The following NUP210L variants were observed in gnomAD, a reference collection of about 807,000 sequenced individuals.
The protein encoded by NUP210L is nuclear pore membrane glycoprotein 210-like.
In NUP210L, 74 loss-of-function variants were observed where a neutral mutation model predicts 208.5. The observed-to-expected ratio is 0.35, with a 90% CI of 0.29 to 0.43. The LOEUF (loss-of-function observed/expected upper bound fraction) is 0.43, where lower values mean the gene tolerates loss of function less well. NUP210L is among the 20% of genes least tolerant of loss of function. The probability of loss-of-function intolerance (pLI) is 1.00; values close to 1 mark genes in which losing one functional copy is unlikely to be tolerated. For synonymous variants in NUP210L, 780 were observed against 816.9 expected, an observed-to-expected ratio of 0.95 and a Z score of 0.77; for missense variants, 1,843 against 2,289.4, an observed-to-expected ratio of 0.81 and a Z score of 3.98.
chr1:154,139,635 C>T (rs1202963677), intron 5 of NUP210L, among the ~76,000 whole-genome samples, 167 bp downstream of exon 5: 1 of 151,746 alleles, frequency 6.6e-6, no homozygotes, highest in African/African-American at 2.4e-5. Context: ...TTGAGACCAG[C>T]CTGGGCAACC....
In NUP210L at chr1:154,084,789, TA is replaced by T. The variant is rs35270818; in HGVS notation, c.2361+4631del. ...CATCCAGCTGGGACCCATATTTCTT[TA>T]AAAAAAAAAAAAGGCTGGGGTTGGG... On this transcript the variant is annotated intron_variant, in intron 16 of 39. Transcript: ENST00000368559. Among the ~76,000 whole-genome samples, 499 of 137,848 alleles carry T rather than the reference TA, an allele frequency of 3.6e-3. 1 individual carries two copies. Among genetic ancestry groups the T allele is most frequent in the African/African-American group, 8.2e-3 (303 of 37,048 alleles). 90.4% of individuals were successfully genotyped at this position (137,848 alleles called of 152,430 possible). A position where few individuals can be genotyped will look rare whatever the true frequency, so the allele number is the denominator to read the frequency against.
At chr1:154,028,964 G>A (rs1405409915) in intron 28 of NUP210L, among the ~76,000 whole-genome samples, 1 of 150,246 alleles carries the variant, frequency 6.7e-6, no homozygotes, top group African/African-American at 2.5e-5. Context: ...GCATGGTGGT[G>A]CACGCCTGTA....
chr1:154,034,843 C>CTT (rs35524701), intron 27 of NUP210L, among the ~76,000 whole-genome samples: 48 of 136,168 alleles, frequency 3.5e-4, no homozygotes, highest in African/African-American at 4.6e-4. Flanking sequence ...CTCTCTCTCT[C>CTT]TTTTTTTTTT....
chr1:154,141,885 G>A (rs1450386576), intron 3 of NUP210L, among the ~76,000 whole-genome samples: 2 of 152,036 alleles, frequency 1.3e-5, no homozygotes, highest in East Asian at 1.9e-4. Context: ...TTCCAGGCCC[G>A]GTGCAATAGC....
chr1:154,145,801 T>C (rs550122519), intron 2 of NUP210L, among the ~76,000 whole-genome samples: 3 of 152,268 alleles, frequency 2.0e-5, no homozygotes, highest in Non-Finnish European at 2.9e-5. Flanking sequence ...TGTAGATATA[T>C]GTGTATACAG....
At chr1:154,101,274 G>A (rs778376149) in intron 13 of NUP210L, among the ~76,000 whole-genome samples, 12 of 151,450 alleles carry the variant, frequency 7.9e-5, no homozygotes, top group Non-Finnish European at 1.2e-4. Context: ...AGGTCAGTTC[G>A]AGACCAGCCT....
chr1:154,135,201 C>T (rs1215956208), intron 7 of NUP210L, among the ~76,000 whole-genome samples: 1 of 152,168 alleles, frequency 6.6e-6, no homozygotes, highest in Non-Finnish European at 1.5e-5. Flanking sequence ...AAAATTCTCA[C>T]ATGTTCTTCC....
At chr1:154,124,671 C>T (rs1657790644) in intron 10 of NUP210L, among the ~76,000 whole-genome samples, 1 of 152,100 alleles carries the variant, frequency 6.6e-6, no homozygotes, top group African/African-American at 2.4e-5. Context: ...ACTCTATGCA[C>T]CTGGTAGTGG....
chr1:154,066,877 C>A (rs12043224), intron 17 of NUP210L, among the ~76,000 whole-genome samples: 1 of 151,890 alleles, frequency 6.6e-6, no homozygotes, highest in Non-Finnish European at 1.5e-5. Flanking sequence ...ATACACCCTC[C>A]CAAGACTAAA....
At chr1:154,141,299 T>C (rs1376174084) in intron 4 of NUP210L, 132 bp downstream of exon 4, 8 of 645,154 alleles carry the variant, frequency 1.2e-5, no homozygotes, top group East Asian at 2.7e-5. Context: ...TTTCTCTCAG[T>C]AATTTATCAG....
rs138203563 is a variant in NUP210L, at chr1:154,143,997, C to T, written c.341-420G>A. On this transcript the variant is annotated intron_variant, in intron 2 of 39. Transcript: ENST00000368559. ...GAGATCAAGACCATCCTGGCTAACA[C>T]GGTGAAACCCCGTCTCTACTAAAAA... 7.5e-3 allele frequency among the ~76,000 whole-genome samples: 1,146 copies of T among 152,002 alleles called. 12 individuals carry two copies. Among genetic ancestry groups the T allele is most frequent in the African/African-American group, 0.026 (1,093 of 41,462 alleles).
At chr1:154,015,803 G>A (rs2147916969) in intron 33 of NUP210L, among the ~76,000 whole-genome samples, 1 of 151,664 alleles carries the variant, frequency 6.6e-6, no homozygotes, top group South Asian at 2.1e-4. Context: ...CAGCTACTCA[G>A]GAGACTGAGG....
intron 17 of NUP210L, among the ~76,000 whole-genome samples, chr1:154,067,438 G>A (rs1440185620): frequency 2.6e-5 from 4 of 152,188 alleles, no homozygotes; most frequent in South Asian, 2.1e-4. Context: ...TTGATGGGAC[G>A]TATCTCAAAA....
chr1:154,100,856 T>C (rs1334661490), intron 13 of NUP210L, among the ~76,000 whole-genome samples: 1 of 151,592 alleles, frequency 6.6e-6, no homozygotes, highest in Non-Finnish European at 1.5e-5. Context: ...GCTATGAAAA[T>C]ATAAGAATTT....
intron 24 of NUP210L, 150 bp from the exon 25 acceptor site, chr1:154,054,557 G>A: frequency 1.2e-6 from 1 of 807,936 alleles, no homozygotes; most frequent in East Asian, 2.7e-5. Flanking sequence ...AGAAGAAATG[G>A]AAGTACTGCA....
Position 154,012,502 on chromosome 1 carries a change from A to G in NUP210L, c.4654-132T>C, listed in dbSNP as rs1020298454. On this transcript the variant is annotated intron_variant, in intron 33 of 39. Coordinates refer to ENST00000368559, the Ensembl canonical transcript of NUP210L. Reference sequence around the variant, plus strand: ...AGTACAGATTCCATCTCATGACCACATATTTGAGAACAACAAAATCTGTTT... The same window carrying G: ...AGTACAGATTCCATCTCATGACCACGTATTTGAGAACAACAAAATCTGTTT... The G allele has an allele frequency of 3.7e-6, 3 of 805,330 alleles. No homozygotes were observed. In the African/African-American group the frequency reaches 5.2e-5, roughly 14 times the overall value. 49.9% of individuals were successfully genotyped at this position (805,330 alleles called of 1,614,324 possible). A position where few individuals can be genotyped will look rare whatever the true frequency, so the allele number is the denominator to read the frequency against.
At chr1:154,114,582 C>A (rs910178441) in intron 12 of NUP210L, among the ~76,000 whole-genome samples, 2 of 151,992 alleles carry the variant, frequency 1.3e-5, no homozygotes, top group African/African-American at 4.8e-5. Flanking sequence ...AAACTAAATT[C>A]ATCATCTTTT....
chr1:154,064,078 A>G (rs1425002151), intron 17 of NUP210L, among the ~76,000 whole-genome samples: 2 of 151,580 alleles, frequency 1.3e-5, no homozygotes, highest in Non-Finnish European at 2.9e-5. Flanking sequence ...TTTTTAATAG[A>G]GGTGGTGGGG....
chr1:153,997,653 G>C (rs1649971301), intron 37 of NUP210L, among the ~76,000 whole-genome samples: 1 of 149,934 alleles, frequency 6.7e-6, no homozygotes, highest in Non-Finnish European at 1.5e-5. Context: ...TGTAGAGATG[G>C]GGTTTTGCCA....
Sources: gnomAD v4.1 joint callset for allele counts (sites outside exome capture counted in the v4.1 genomes callset) on GRCh38, gnomAD v4.1.1 for gene constraint, MANE v1.5 for transcripts, NCBI Gene and HGNC (gene_info 2026-07-23, HGNC 2026-07-21) for gene names.